The following ADGRL3 variants were observed in gnomAD, a reference collection of about 807,000 sequenced individuals.
The protein encoded by ADGRL3 is adhesion G protein-coupled receptor L3.
A neutral mutation model predicts 153.5 loss-of-function variants in ADGRL3; 62 were observed. The observed-to-expected ratio is 0.40, with a 90% CI of 0.33 to 0.50. The LOEUF is 0.50. Among genes scored for constraint, ADGRL3 ranks in the 20% least tolerant of loss-of-function variants. The pLI is 0.47. For missense variants in ADGRL3, 1,641 were observed against 1,859.4 expected, an observed-to-expected ratio of 0.88 and a Z score of 2.16; for synonymous variants, 710 against 672.5, an observed-to-expected ratio of 1.06 and a Z score of -0.86.
At chr4:61,949,483 G>T (rs1047209981) in intron 17 of ADGRL3, among the ~76,000 whole-genome samples, 1 of 151,948 alleles carries the variant, frequency 6.6e-6, no homozygotes, top group Admixed American at 6.6e-5. Flanking sequence ...GGATCATTCA[G>T]GGTCAGGAGT....
intron 1 of ADGRL3, among the ~76,000 whole-genome samples, chr4:61,251,286 G>A (rs1416810578): frequency 6.6e-6 from 1 of 152,168 alleles, no homozygotes; most frequent in Non-Finnish European, 1.5e-5. Flanking sequence ...GCTGTGCCTA[G>A]CTAGACTATT....
intron 1 of ADGRL3, among the ~76,000 whole-genome samples, chr4:61,299,716 G>T (rs1179083447): frequency 6.6e-6 from 1 of 152,118 alleles, no homozygotes; most frequent in Non-Finnish European, 1.5e-5. Context: ...TGGTATACGT[G>T]AGGGCTATTG....
chr4:61,646,642 C>G (rs1408791535), intron 5 of ADGRL3, among the ~76,000 whole-genome samples: 1 of 152,026 alleles, frequency 6.6e-6, no homozygotes, highest in Non-Finnish European at 1.5e-5. Flanking sequence ...GTTCTCAGAT[C>G]TCCAGCTGCG....
chr4:61,715,209 G>C (rs998209884), intron 6 of ADGRL3, among the ~76,000 whole-genome samples: 4 of 151,948 alleles, frequency 2.6e-5, no homozygotes, highest in African/African-American at 9.7e-5. Context: ...TCTTACATTC[G>C]ACTGGTTATT....
At chr4:61,882,618 A>C (rs1045915427) in intron 9 of ADGRL3, among the ~76,000 whole-genome samples, 2 of 151,506 alleles carry the variant, frequency 1.3e-5, no homozygotes, top group African/African-American at 4.9e-5. Context: ...AGCCCCCATC[A>C]CCTCTCTGTC....
At chr4:61,739,766 G>T (rs756866291) in intron 8 of ADGRL3, among the ~76,000 whole-genome samples, 1 of 152,194 alleles carries the variant, frequency 6.6e-6, no homozygotes, top group Non-Finnish European at 1.5e-5. Flanking sequence ...CCACATTGTT[G>T]TGAGCTTTGG....
intron 6 of ADGRL3, among the ~76,000 whole-genome samples, chr4:61,710,901 G>T (rs1173611058): frequency 6.6e-6 from 1 of 151,968 alleles, no homozygotes; most frequent in Non-Finnish European, 1.5e-5. Context: ...ACTTCAACTG[G>T]TATCTCACAT....
In ADGRL3 at chr4:61,395,366, A is replaced by C. The variant is rs139583378; in HGVS notation, c.-174+12177A>C. Among the ~76,000 whole-genome samples, 969 of 152,124 alleles carry C rather than the reference A, an allele frequency of 6.4e-3. 26 individuals are homozygous for C. Among genetic ancestry groups the C allele is most frequent in the Admixed American group, 0.038 (587 of 15,272 alleles). ...AAACCTTTGCTGTATATATGCTTAT[A>C]TGGCTTGTGAAAGGCACATTGTGCT... On this transcript the variant is annotated intron_variant, in intron 2 of 26. Coordinates refer to ENST00000683033, the MANE Select transcript of ADGRL3 (RefSeq NM_001387552.1).
chr4:61,608,891 T>A (rs141177136), intron 5 of ADGRL3, among the ~76,000 whole-genome samples: 71 of 152,338 alleles, frequency 4.7e-4, no homozygotes, highest in Middle Eastern at 6.8e-3. Flanking sequence ...AACAAGCTTA[T>A]AATCTTCTTT....
At chr4:61,704,281 G>T (rs537267424) in intron 6 of ADGRL3, among the ~76,000 whole-genome samples, 14 of 152,218 alleles carry the variant, frequency 9.2e-5, no homozygotes, top group African/African-American at 3.4e-4. Context: ...CAGAGATATT[G>T]CTGGTTTAGT....
rs542687637 is a variant in ADGRL3, at chr4:62,010,886, G to A, written c.3395+12621G>A. Among the ~76,000 whole-genome samples, 14 of 151,950 alleles carry A rather than the reference G, an allele frequency of 9.2e-5. No individual in the cohort carries two copies. In the South Asian group the frequency reaches 2.9e-3, roughly 32 times the overall value. On this transcript the variant is annotated intron_variant, in intron 21 of 26. Coordinates refer to ENST00000683033, the MANE Select transcript of ADGRL3 (RefSeq NM_001387552.1). Reference sequence around the variant, plus strand: ...TTAACTTTTTTATTCACTTTTAAAAGGTAATTGCTGTTTATTTACCTTGGA... The same window carrying A: ...TTAACTTTTTTATTCACTTTTAAAAAGTAATTGCTGTTTATTTACCTTGGA...
chr4:61,347,596 C>T (rs573129290), intron 1 of ADGRL3, among the ~76,000 whole-genome samples: 22 of 152,160 alleles, frequency 1.4e-4, no homozygotes, highest in Non-Finnish European at 2.4e-4. Flanking sequence ...AAAGTAATGA[C>T]TCAATTCAAA....
chr4:61,673,262 T>C (rs1401969716), intron 5 of ADGRL3, among the ~76,000 whole-genome samples: 1 of 151,878 alleles, frequency 6.6e-6, no homozygotes, highest in Non-Finnish European at 1.5e-5. Context: ...AAATCTAATG[T>C]ACAGCTTGGT....
intron 9 of ADGRL3, among the ~76,000 whole-genome samples, chr4:61,828,464 C>T (rs910566565): frequency 6.6e-6 from 1 of 152,046 alleles, no homozygotes; most frequent in African/African-American, 2.4e-5. Flanking sequence ...TTAAATTTTG[C>T]TTCTGTTGTT....
chr4:61,969,864 T>G (rs769093768), intron 17 of ADGRL3, among the ~76,000 whole-genome samples: 1 of 152,180 alleles, frequency 6.6e-6, no homozygotes, highest in Non-Finnish European at 1.5e-5. Context: ...CTAAAAATAC[T>G]GTGGCATGCA....
At chr4:61,972,013 T>C (rs1415062216) in intron 17 of ADGRL3, among the ~76,000 whole-genome samples, 5 of 152,076 alleles carry the variant, frequency 3.3e-5, no homozygotes, top group Non-Finnish European at 7.4e-5. Flanking sequence ...TGTTTGTTTT[T>C]TTCTTGTAAA....
chr4:61,466,732 T>A (rs967075592), intron 2 of ADGRL3, among the ~76,000 whole-genome samples: 1 of 152,166 alleles, frequency 6.6e-6, no homozygotes, highest in Non-Finnish European at 1.5e-5. Flanking sequence ...CTGTGCTGAT[T>A]AAACCAATAA....
chr4:61,291,220 A>ACACACG (rs1367025897), intron 1 of ADGRL3, among the ~76,000 whole-genome samples: 4 of 150,498 alleles, frequency 2.7e-5, no homozygotes, highest in African/African-American at 9.8e-5. Flanking sequence ...ACACACACGC[A>ACACACG]CACACACACA....
chr4:61,802,780 C>T (rs2097513633), intron 8 of ADGRL3, among the ~76,000 whole-genome samples: 2 of 149,690 alleles, frequency 1.3e-5, no homozygotes, highest in Non-Finnish European at 2.9e-5. Flanking sequence ...AATTTTATGA[C>T]ACAATAAAAA....
Sources: gnomAD v4.1 joint callset for allele counts (sites outside exome capture counted in the v4.1 genomes callset) on GRCh38, gnomAD v4.1.1 for gene constraint, MANE v1.5 for transcripts, NCBI Gene and HGNC (gene_info 2026-07-23, HGNC 2026-07-21) for gene names.